Variants in BCL7C observed in about 807,000 individuals in gnomAD.
The protein encoded by BCL7C is BAF chromatin remodeling complex subunit BCL7C, also known as B-cell CLL/lymphoma 7 protein family member C.
BCL7C carries 8 observed loss-of-function variants against 26.2 expected under a neutral mutation model. The ratio of observed to expected loss-of-function variants is 0.30; its 90% CI spans 0.18 to 0.55. The LOEUF is 0.55. Among genes scored for constraint, BCL7C ranks in the 20% least tolerant of loss-of-function variants. BCL7C has a pLI of 0.93. For synonymous variants in BCL7C, 90 were observed against 116.5 expected (o/e 0.77, Z 1.47); for missense variants, 262 against 298.5 (o/e 0.88, Z 0.90).
At chr16:30,884,492 G>GCT (rs2055096737), downstream of BCL7C, among the ~76,000 whole-genome samples, 1 of 98,286 alleles carries the variant, frequency 1.0e-5, no homozygotes. Context: ...ATCTCCATTT[G>GCT]TTTTTTTTTT....
At chr16:30,862,998 A>G (rs143840320) in intron 5 of BCL7C, among the ~76,000 whole-genome samples, 267 of 152,266 alleles carry the variant, frequency 1.8e-3, no homozygotes, top group African/African-American at 5.7e-3. Context: ...TTTATACAAG[A>G]GCTGGGACCA....
intron 5 of BCL7C, among the ~76,000 whole-genome samples, chr16:30,842,681 G>C (rs1213318701): frequency 1.3e-5 from 2 of 152,176 alleles, no homozygotes; most frequent in Non-Finnish European, 2.9e-5. Flanking sequence ...CCATTCTCCT[G>C]CCTCAGCCTC....
chr16:30,859,109 A>G (rs2054748813), intron 5 of BCL7C, among the ~76,000 whole-genome samples: 1 of 152,222 alleles, frequency 6.6e-6, no homozygotes, highest in Non-Finnish European at 1.5e-5. Context: ...GATTCAGTGC[A>G]TATATCACCT....
intron 5 of BCL7C, among the ~76,000 whole-genome samples, chr16:30,861,331 G>A (rs927284669): frequency 6.6e-6 from 1 of 152,192 alleles, no homozygotes; most frequent in African/African-American, 2.4e-5. Flanking sequence ...TCCACTGTGA[G>A]AGAAACCCCA....
At chr16:30,877,181 C>T (rs998197424) in intron 5 of BCL7C, among the ~76,000 whole-genome samples, 2 of 152,126 alleles carry the variant, frequency 1.3e-5, no homozygotes, top group Admixed American at 6.5e-5. Context: ...CCCCTACCCC[C>T]CTACCCCACC....
At chr16:30,862,794 C>T (rs549151222) in intron 5 of BCL7C, among the ~76,000 whole-genome samples, 1 of 152,230 alleles carries the variant, frequency 6.6e-6, no homozygotes, top group South Asian at 2.1e-4. Context: ...CTGGTTTTGC[C>T]ATCCTAACTA....
At chr16:30,855,210 T>C (rs372905757) in intron 5 of BCL7C, among the ~76,000 whole-genome samples, 2 of 152,190 alleles carry the variant, frequency 1.3e-5, no homozygotes, top group East Asian at 3.9e-4. Context: ...TCTCCACATC[T>C]GATATAGGCC....
At chr16:30,884,137 A>G (rs1276385346), downstream of BCL7C, among the ~76,000 whole-genome samples, 6 of 151,128 alleles carry the variant, frequency 4.0e-5, no homozygotes, top group Non-Finnish European at 7.4e-5. Context: ...AAAAAAAAAA[A>G]AGCCAGGTCA....
At chr16:30,835,781 G>A (rs899723969) in intron 5 of BCL7C, among the ~76,000 whole-genome samples, 1 of 151,978 alleles carries the variant, frequency 6.6e-6, no homozygotes, top group African/African-American at 2.4e-5. Context: ...GGTAGACAGA[G>A]GTTGCAGTGA....
chr16:30,852,619 G>A (rs531356314), intron 5 of BCL7C, among the ~76,000 whole-genome samples: 1 of 151,584 alleles, frequency 6.6e-6, no homozygotes, highest in South Asian at 2.1e-4. Flanking sequence ...AGCCTCCTGA[G>A]TAGCTGGGAT....
intron 5 of BCL7C, among the ~76,000 whole-genome samples, chr16:30,873,044 G>C (rs889536104): frequency 2.6e-5 from 4 of 151,688 alleles, no homozygotes; most frequent in African/African-American, 7.3e-5. Flanking sequence ...ACTTAATCTT[G>C]TTCTTTAAAA....
chr16:30,888,883 C>T lies in BCL7C; in HGVS notation c.505G>A (p.Val169Ile). The stretch of plus-strand genomic sequence containing the variant: ...ACCTCAGCTTCCAGCAGTTCTGGAA[C>T]AGGCTCCTCCTTGGTCAGCATTGGG... ...EPPMLTKEEP[V>I]PELLEAEAPE... Residue 169 changes from valine (V) to isoleucine (I), a missense_variant, in exon 5 of 6, where the codon GTT (valine) becomes ATT (isoleucine). Coordinates refer to ENST00000215115, the MANE Select transcript of BCL7C (RefSeq NM_004765.4). 2 of 1,614,088 alleles carry T rather than the reference C, an allele frequency of 1.2e-6. No homozygotes were observed. The highest frequency in any genetic ancestry group is 1.7e-6 in the Non-Finnish European group (2 of 1,179,976).
chr16:30,857,130 T>A (rs575193196), intron 5 of BCL7C, among the ~76,000 whole-genome samples: 142 of 152,268 alleles, frequency 9.3e-4, no homozygotes, highest in Non-Finnish European at 2.9e-4. Flanking sequence ...GGCTTATGCC[T>A]GTAATCCCAG....
At chr16:30,881,394 A>T (rs760291412) in intron 5 of BCL7C, among the ~76,000 whole-genome samples, 3 of 47,870 alleles carry the variant, frequency 6.3e-5, no homozygotes, top group Non-Finnish European at 1.9e-4. Context: ...AGACTCCGTC[A>T]CACACACACA....
downstream of BCL7C, among the ~76,000 whole-genome samples, chr16:30,886,006 T>A (rs1177168390): frequency 1.3e-5 from 2 of 152,062 alleles, no homozygotes; most frequent in Non-Finnish European, 2.9e-5. Context: ...CGCGCACCAG[T>A]ATGCCTGGCT....
intron 5 of BCL7C, among the ~76,000 whole-genome samples, chr16:30,878,175 CAAAA>C (rs1355316672): frequency 2.1e-5 from 3 of 144,654 alleles, no homozygotes; most frequent in African/African-American, 7.7e-5. Context: ...ACTCAAGACT[CAAAA>C]AAACAAAACA....
chr16:30,889,083 C>G (rs919578864), intron 4 of BCL7C, 138 bp from the exon 5 acceptor site: 2 of 763,966 alleles, frequency 2.6e-6, no homozygotes, highest in Non-Finnish European at 4.4e-6. Flanking sequence ...GAGCAGGAAC[C>G]TGGCTGTGCC....
chr16:30,849,778 G>A (rs1352134925), intron 5 of BCL7C, among the ~76,000 whole-genome samples: 1 of 144,786 alleles, frequency 6.9e-6, no homozygotes, highest in South Asian at 2.2e-4. Context: ...TTTTTTTGGA[G>A]TCAGGGTCTT....
chr16:30,851,632 C>A (rs997643328), intron 5 of BCL7C: 1 of 551,832 alleles, frequency 1.8e-6, no homozygotes, highest in Non-Finnish European at 3.3e-6. Context: ...GCAGGCCTTG[C>A]AGTTTTTGGT....
Sources: gnomAD v4.1 joint callset for allele counts (sites outside exome capture counted in the v4.1 genomes callset) on GRCh38, gnomAD v4.1.1 for gene constraint, MANE v1.5 for transcripts, NCBI Gene and HGNC (gene_info 2026-07-23, HGNC 2026-07-21) for gene names.